Variants in NELL1 observed in about 807,000 individuals in gnomAD.
NELL1 encodes neural EGFL like 1, also known as protein kinase C-binding protein NELL1.
NELL1 carries 76 observed loss-of-function variants against 107.4 expected under a neutral mutation model. That is an observed-to-expected ratio of 0.71 (90% CI 0.59 to 0.86). NELL1 has a LOEUF of 0.86. Ranked by LOEUF, NELL1 falls within the 40% of genes least tolerant of loss-of-function variation. The pLI, the probability that NELL1 is intolerant of heterozygous loss-of-function variation, is 0.00. For synonymous variants in NELL1, 353 were observed against 341.2 expected (o/e 1.03, Z -0.38); for missense variants, 1,024 against 1,005.5 (o/e 1.02, Z -0.25).
At chr11:21,333,590 G>C (rs761337530) in intron 14 of NELL1, among the ~76,000 whole-genome samples, 18 of 152,102 alleles carry the variant, frequency 1.2e-4, no homozygotes, top group Non-Finnish European at 2.1e-4. Context: ...TTCATCACAT[G>C]GTTCCCATCG....
intron 13 of NELL1, among the ~76,000 whole-genome samples, chr11:21,218,796 C>A (rs897623985): frequency 6.6e-6 from 1 of 152,142 alleles, no homozygotes; most frequent in African/African-American, 2.4e-5. Context: ...CAAAGCTCAT[C>A]GATGTTGCCA....
At chr11:21,284,349 G>T (rs988182614) in intron 14 of NELL1, 6 of 457,106 alleles carry the variant, frequency 1.3e-5, no homozygotes, top group African/African-American at 1.2e-4. Context: ...GTGACAGAGA[G>T]CCTAAAGATC....
chr11:21,243,508 AT>A (rs1009618606), intron 14 of NELL1, among the ~76,000 whole-genome samples: 29 of 152,254 alleles, frequency 1.9e-4, no homozygotes, highest in Non-Finnish European at 3.8e-4. Flanking sequence ...TGAAGACTGT[AT>A]TTGTAGAAGG....
intron 13 of NELL1, among the ~76,000 whole-genome samples, chr11:21,174,636 A>C (rs991431219): frequency 5.9e-5 from 9 of 151,682 alleles, no homozygotes; most frequent in African/African-American, 1.9e-4. Flanking sequence ...ATTGTGAAGG[A>C]GGGAAGGAGG....
intron 10 of NELL1, among the ~76,000 whole-genome samples, chr11:20,939,465 A>G (rs2134187934): frequency 6.6e-6 from 1 of 152,142 alleles, no homozygotes; most frequent in South Asian, 2.1e-4. Flanking sequence ...TGCTGCTGTG[A>G]TGAGTGACTT....
chr11:21,435,552 G>A (rs796528126), intron 15 of NELL1, among the ~76,000 whole-genome samples: 11 of 147,602 alleles, frequency 7.5e-5, no homozygotes, highest in African/African-American at 2.8e-4. Context: ...TGCTTTTTCT[G>A]TATGAATTGA....
At chr11:21,169,869 C>T (rs1048086866) in intron 13 of NELL1, 5 of 1,414,224 alleles carry the variant, frequency 3.5e-6, no homozygotes, top group Non-Finnish European at 5.0e-6. Context: ...GAAGAGTTGC[C>T]ATGTCACCCA....
chr11:20,924,923 C>T (rs1850458401), intron 7 of NELL1, among the ~76,000 whole-genome samples: 3 of 152,120 alleles, frequency 2.0e-5, no homozygotes, highest in South Asian at 2.1e-4. Context: ...GAAAAAAATT[C>T]CAAAAAGTTA....
At chr11:21,183,207 T>C (rs1405647573) in intron 13 of NELL1, among the ~76,000 whole-genome samples, 1 of 151,886 alleles carries the variant, frequency 6.6e-6, no homozygotes, top group African/African-American at 2.4e-5. Context: ...TTATACGTTT[T>C]TTATGAACAT....
chr11:21,280,249 A>G (rs974881856), intron 14 of NELL1, among the ~76,000 whole-genome samples: 5 of 152,202 alleles, frequency 3.3e-5, no homozygotes, highest in African/African-American at 1.2e-4. Flanking sequence ...TTCATTGGTT[A>G]TAAAAAATGG....
chr11:21,392,496 G>T (rs1047539919), intron 15 of NELL1, among the ~76,000 whole-genome samples: 4 of 151,696 alleles, frequency 2.6e-5, no homozygotes, highest in Non-Finnish European at 5.9e-5. Context: ...ACCCAAGAGG[G>T]TTTATATCCT....
intron 12 of NELL1, among the ~76,000 whole-genome samples, chr11:20,999,520 C>T (rs746420022): frequency 1.3e-5 from 2 of 152,148 alleles, no homozygotes; most frequent in Non-Finnish European, 2.9e-5. Context: ...CTTAGACTTT[C>T]CTACTAAAAA....
chr11:21,568,938 C>T (rs1359112166), intron 17 of NELL1, among the ~76,000 whole-genome samples: 2 of 151,226 alleles, frequency 1.3e-5, no homozygotes, highest in East Asian at 3.9e-4. Context: ...ATACTAAATA[C>T]ATAAACCAGT....
chr11:20,829,585 A>G (rs964725777), intron 3 of NELL1, among the ~76,000 whole-genome samples: 2 of 151,852 alleles, frequency 1.3e-5, no homozygotes, highest in African/African-American at 4.8e-5. Context: ...GTTTTTTTTT[A>G]ATGAATATAG....
chr11:21,515,618 TA>T (rs1485555397), intron 15 of NELL1, among the ~76,000 whole-genome samples: 3 of 152,188 alleles, frequency 2.0e-5, no homozygotes, highest in African/African-American at 4.8e-5. Context: ...TTAAAGTGCC[TA>T]ATTCACTGTG....
intron 14 of NELL1, among the ~76,000 whole-genome samples, chr11:21,296,636 T>C (rs1446395481): frequency 6.6e-6 from 1 of 151,968 alleles, no homozygotes; most frequent in Admixed American, 6.6e-5. Flanking sequence ...GAAGCGCTGA[T>C]ACTATGCAGT....
At chr11:21,314,092 C>T (rs532720194) in intron 14 of NELL1, among the ~76,000 whole-genome samples, 1 of 149,954 alleles carries the variant, frequency 6.7e-6, no homozygotes, top group East Asian at 2.0e-4. Flanking sequence ...CTCCCTGAGG[C>T]CTCCCCAGGA....
chr11:20,850,954 A>G (rs186276736), intron 4 of NELL1, among the ~76,000 whole-genome samples: 2 of 152,274 alleles, frequency 1.3e-5, no homozygotes, highest in East Asian at 3.9e-4. Flanking sequence ...ATAATATAAT[A>G]AGCATATAAC....
intron 13 of NELL1, among the ~76,000 whole-genome samples, chr11:21,124,271 T>C (rs1855438712): frequency 6.6e-6 from 1 of 152,152 alleles, no homozygotes; most frequent in African/African-American, 2.4e-5. Flanking sequence ...GTCTCCTAAA[T>C]GTTACCTCAG....
Sources: allele counts gnomAD v4.1 joint callset (sites outside exome capture counted in the v4.1 genomes callset), GRCh38; gene constraint gnomAD v4.1.1; transcripts MANE v1.5; gene names NCBI Gene and HGNC (gene_info 2026-07-23, HGNC 2026-07-21).